Variants in MYOM2 observed in about 807,000 individuals in gnomAD.
The protein encoded by MYOM2 is myomesin-2.
Under a neutral mutation model 187.6 loss-of-function variants are expected in MYOM2, and 254 were observed. That is an observed-to-expected ratio of 1.35 (90% confidence interval 1.22 to 1.50). The LOEUF (loss-of-function observed/expected upper bound fraction) is 1.50. Among genes scored for constraint, MYOM2 ranks in the 40% most tolerant of loss-of-function variants. MYOM2 has a pLI of 0.00. For missense variants in MYOM2, 2,796 were observed against 1,924.0 expected (o/e 1.45, Z -8.48); for synonymous variants, 981 against 753.8 (o/e 1.30, Z -4.94).
rs1819822828 is a variant in MYOM2 at position 2,085,546 on chromosome 8, CA to C, written c.1644+157del. Among the ~76,000 whole-genome samples, 303 of 40,816 alleles carry C rather than the reference CA, an allele frequency of 7.4e-3. 86 individuals are homozygous for C. The highest frequency in any genetic ancestry group is 0.011 in the Non-Finnish European group (223 of 19,552). The allele number at this position is 40,816 out of a possible 152,430, so 26.8% of individuals were successfully genotyped here. On this transcript the variant is annotated intron_variant, in intron 14 of 36. Coordinates refer to ENST00000262113, the MANE Select transcript of MYOM2 (RefSeq NM_003970.4). The stretch of plus-strand genomic sequence containing the variant: ...CACTGTTGTGATCTCTGCGTGGCCC[CA>C]CTGTCATGATCTCTGCGTGGCCCCA...
At chr8:2,107,595 G>C (rs777452675) in intron 23 of MYOM2, among the ~76,000 whole-genome samples, 2 of 152,110 alleles carry the variant, frequency 1.3e-5, no homozygotes, top group African/African-American at 4.8e-5. Context: ...TGCAGGTTTG[G>C]CTCAATGTTG....
At chr8:2,057,836 A>G in intron 5 of MYOM2, 56 bp downstream of exon 5, 1 of 1,580,756 alleles carries the variant, frequency 6.3e-7, no homozygotes, top group Non-Finnish European at 8.6e-7. Flanking sequence ...TTCTTTCAGA[A>G]AGACCCCAGT....
intron 16 of MYOM2, among the ~76,000 whole-genome samples, chr8:2,092,974 C>A (rs991889037): frequency 1.3e-5 from 2 of 152,140 alleles, no homozygotes; most frequent in Admixed American, 1.3e-4. Context: ...GTGGGGGCAG[C>A]CTCGGGGGAT....
rs962485206 is a variant in MYOM2, at chr8:2,079,713, G to A, written c.1516+100G>A. The stretch of plus-strand genomic sequence containing the variant: ...ACAGAGAACGCCCCCTACTGGGCAC[G>A]GCCTCTGCATGGAAAAATGAAAACC... On this transcript the variant is annotated intron_variant, in intron 13 of 36. Transcript: ENST00000262113. 79 of 1,265,356 alleles carry A rather than the reference G, an allele frequency of 6.2e-5. No individual in the cohort carries two copies. The African/African-American group carries it at 9.0e-4, about 14-fold the overall frequency. 78.4% of individuals were successfully genotyped at this position (1,265,356 alleles called of 1,614,324 possible).
intron 3 of MYOM2, among the ~76,000 whole-genome samples, chr8:2,053,845 C>G (rs575030484): frequency 6.6e-6 from 1 of 152,206 alleles, no homozygotes; most frequent in Non-Finnish European, 1.5e-5. Flanking sequence ...CAGCAGCCCC[C>G]GAGTGTTGTA....
chr8:2,138,037 A>C (rs1276667957), intron 32 of MYOM2, among the ~76,000 whole-genome samples: 1 of 152,134 alleles, frequency 6.6e-6, no homozygotes, highest in Non-Finnish European at 1.5e-5. Flanking sequence ...TGTAAAGTCT[A>C]ATTTTCCTTT....
chr8:2,135,648 T>C (rs1273271733), intron 32 of MYOM2, among the ~76,000 whole-genome samples: 1 of 152,246 alleles, frequency 6.6e-6, no homozygotes, highest in East Asian at 1.9e-4. Flanking sequence ...TGTGAACCAT[T>C]TTAACTTTAG....
chr8:2,046,564 G>A (rs1186908376), intron 1 of MYOM2, among the ~76,000 whole-genome samples: 1 of 152,088 alleles, frequency 6.6e-6, no homozygotes, highest in Non-Finnish European at 1.5e-5. Context: ...GTCCAAGCTG[G>A]GGGACTGTTA....
intron 25 of MYOM2, among the ~76,000 whole-genome samples, chr8:2,114,935 G>A (rs1797190265): frequency 1.3e-5 from 2 of 151,874 alleles, no homozygotes; most frequent in Non-Finnish European, 2.9e-5. Flanking sequence ...AGGAAGAGAT[G>A]GTCTAATATA....
At chr8:2,100,775 G>A (rs1563055611) in intron 19 of MYOM2, 101 bp from the exon 20 acceptor site, 2 of 1,138,666 alleles carry the variant, frequency 1.8e-6, no homozygotes, top group Non-Finnish European at 2.5e-6. Context: ...GTCCTGGTGG[G>A]GGGCTTCCCA....
At chr8:2,138,099 T>C (rs937459470) in intron 32 of MYOM2, among the ~76,000 whole-genome samples, 4 of 152,190 alleles carry the variant, frequency 2.6e-5, no homozygotes, top group Non-Finnish European at 5.9e-5. Context: ...TCAATCCCTT[T>C]AGTAATAGCG....
chr8:2,071,931 C>T (rs141190531), intron 8 of MYOM2, among the ~76,000 whole-genome samples: 1 of 152,286 alleles, frequency 6.6e-6, no homozygotes, highest in African/African-American at 2.4e-5. Flanking sequence ...CTCACGATCT[C>T]ATCCCACCCT....
chr8:2,078,673 G>A (rs1819515737), intron 11 of MYOM2, 61 bp from the exon 12 acceptor site: 2 of 1,473,466 alleles, frequency 1.4e-6, no homozygotes, highest in Non-Finnish European at 1.9e-6. Context: ...ATATACCTAT[G>A]TATATTTAGT....
chr8:2,124,361 G>A, intron 31 of MYOM2, 144 bp downstream of exon 31: 1 of 747,148 alleles, frequency 1.3e-6, no homozygotes, highest in East Asian at 2.8e-5. Context: ...GGGCAGGGTG[G>A]TGATCTGCTG....
chr8:2,129,554 A>G (rs4483186), intron 32 of MYOM2, among the ~76,000 whole-genome samples: 1 of 152,006 alleles, frequency 6.6e-6, no homozygotes, highest in Non-Finnish European at 1.5e-5. Context: ...AGAACTAATA[A>G]ATAATTTGTA....
intron 14 of MYOM2, 116 bp downstream of exon 14, chr8:2,085,506 C>T: frequency 9.4e-7 from 1 of 1,065,220 alleles, no homozygotes; most frequent in South Asian, 1.7e-5. Context: ...CTGTTGTGAT[C>T]TCCGCGTGGC....
rs368556009 is a variant in MYOM2, at chr8:2,076,288, C to A, written c.1262+6C>A. On this transcript the variant is annotated splice_donor_region_variant and intron_variant, in intron 11 of 36. Transcript: ENST00000262113. ...ATGGGCTATTTTGTGGACCGGTGAG[C>A]GTCTTGCATTCTCCCGGGGATGGGA... The A allele has an allele frequency of 3.1e-6, 5 of 1,612,712 alleles. No individual in the cohort carries two copies. The highest frequency in any genetic ancestry group is 1.3e-5 in the African/African-American group (1 of 74,872).
At chr8:2,114,361 T>C (rs17064736) in intron 25 of MYOM2, among the ~76,000 whole-genome samples, 30,478 of 152,158 alleles carry the variant, frequency 0.2, 3,231 homozygotes, top group African/African-American at 0.27. Flanking sequence ...CCAACAGCCT[T>C]CCAGTCTTTC....
At chr8:2,134,125 A>T (rs543004762) in intron 32 of MYOM2, among the ~76,000 whole-genome samples, 3 of 152,236 alleles carry the variant, frequency 2.0e-5, no homozygotes, top group African/African-American at 7.2e-5. Context: ...CTACAGACCA[A>T]TTCAGATTGC....
Sources: allele counts gnomAD v4.1 joint callset (sites outside exome capture counted in the v4.1 genomes callset), GRCh38; gene constraint gnomAD v4.1.1; transcripts MANE v1.5; gene names NCBI Gene and HGNC (gene_info 2026-07-23, HGNC 2026-07-21).